The following ZNF475 variants were observed in gnomAD, a reference collection of about 807,000 sequenced individuals.
The protein encoded by ZNF475 is zinc finger protein 475.
At chr5:122,182,601 A>G in the ZNF475 span, 1 of 1,535,508 alleles carries the variant, frequency 6.5e-7, no homozygotes, top group Non-Finnish European at 8.7e-7. Context: ...AGACAGACTG[A>G]TTGTTCACCA....
At chr5:122,174,689 G>C in the ZNF475 span, among the ~76,000 whole-genome samples, 1 of 152,106 alleles carries the variant, frequency 6.6e-6, no homozygotes, top group East Asian at 1.9e-4. Context: ...CCTTCCAAAG[G>C]AAATCTGACG....
At chr5:122,164,942 A>T in the ZNF475 span, among the ~76,000 whole-genome samples, 2 of 152,192 alleles carry the variant, frequency 1.3e-5, no homozygotes, top group African/African-American at 2.4e-5. Flanking sequence ...AAAGCTAAAA[A>T]ATGTTTTCTA....
chr5:122,179,820 C>A, the ZNF475 span: 1 of 945,398 alleles, frequency 1.1e-6, no homozygotes, highest in South Asian at 2.4e-5. Context: ...TTCACTTGTT[C>A]AAACGACCAA....
the ZNF475 span, among the ~76,000 whole-genome samples, chr5:122,164,937 T>TA: frequency 6.6e-6 from 1 of 152,096 alleles, no homozygotes; most frequent in Admixed American, 6.5e-5. Flanking sequence ...TGGACAAAGC[T>TA]AAAAAATGTT....
At chr5:122,178,378 C>T in the ZNF475 span, among the ~76,000 whole-genome samples, 3 of 152,200 alleles carry the variant, frequency 2.0e-5, no homozygotes, top group African/African-American at 7.2e-5. Flanking sequence ...AAAAGCTTTC[C>T]TATTTCTCCA....
the ZNF475 span, among the ~76,000 whole-genome samples, chr5:122,174,141 A>C: frequency 2.0e-5 from 3 of 152,178 alleles, no homozygotes; most frequent in African/African-American, 7.2e-5. Flanking sequence ...ACATTTGCTA[A>C]GAGGGGGCCT....
At chr5:122,162,319 T>A in the ZNF475 span, 1 of 152,250 alleles carries the variant, frequency 6.6e-6, no homozygotes, top group African/African-American at 2.4e-5. Context: ...TTACACGGCA[T>A]CCAGTGATTT....
chr5:122,180,256 C>T, the ZNF475 span, among the ~76,000 whole-genome samples: 17 of 152,164 alleles, frequency 1.1e-4, no homozygotes, highest in African/African-American at 3.4e-4. Context: ...GACTATGATG[C>T]GCTGTGGAGC....
chr5:122,169,596 G>C, the ZNF475 span, among the ~76,000 whole-genome samples: 2 of 152,142 alleles, frequency 1.3e-5, no homozygotes, highest in Non-Finnish European at 2.9e-5. Flanking sequence ...TTGGACTTTA[G>C]TCTGTAGCCA....
the ZNF475 span, among the ~76,000 whole-genome samples, chr5:122,161,388 T>A: frequency 1.3e-5 from 2 of 152,226 alleles, no homozygotes; most frequent in African/African-American, 4.8e-5. Flanking sequence ...GGTCCCATGT[T>A]AAAGCTTCAA....
the ZNF475 span, among the ~76,000 whole-genome samples, chr5:122,164,522 C>G: frequency 6.6e-6 from 1 of 152,064 alleles, no homozygotes; most frequent in East Asian, 1.9e-4. Flanking sequence ...TAAGGAGCCA[C>G]ATGTTTGTGT....
the ZNF475 span, among the ~76,000 whole-genome samples, chr5:122,170,740 G>C: frequency 6.6e-6 from 1 of 152,178 alleles, no homozygotes; most frequent in African/African-American, 2.4e-5. Context: ...AGGTCAGCGA[G>C]TAGAGCTGAA....
the ZNF475 span, chr5:122,160,368 A>G: frequency 6.6e-6 from 6 of 908,940 alleles, no homozygotes; most frequent in Non-Finnish European, 7.8e-6. Flanking sequence ...GAAGGTGGGG[A>G]AAGTTACACA....
At chr5:122,165,763 A>C in the ZNF475 span, among the ~76,000 whole-genome samples, 2 of 82,264 alleles carry the variant, frequency 2.4e-5, no homozygotes, top group African/African-American at 2.2e-4. Context: ...GCAACCTACA[A>C]AAAAAAAAAA....
At chr5:122,170,340 C>T in the ZNF475 span, among the ~76,000 whole-genome samples, 12 of 152,242 alleles carry the variant, frequency 7.9e-5, no homozygotes, top group South Asian at 2.1e-4. Context: ...ACTACTGGGA[C>T]GCCAGGTTAC....
the ZNF475 span, among the ~76,000 whole-genome samples, chr5:122,177,899 C>T: frequency 6.6e-6 from 1 of 152,190 alleles, no homozygotes; most frequent in African/African-American, 2.4e-5. Flanking sequence ...TCCCCTAGCC[C>T]ACCGCCCCCA....
At chr5:122,165,457 C>T in the ZNF475 span, among the ~76,000 whole-genome samples, 117 of 152,240 alleles carry the variant, frequency 7.7e-4, no homozygotes, top group Middle Eastern at 0.01. Flanking sequence ...CTATCTCCCC[C>T]GTGGTCACCA....
the ZNF475 span, among the ~76,000 whole-genome samples, chr5:122,164,291 C>T: frequency 6.6e-6 from 1 of 152,164 alleles, no homozygotes; most frequent in African/African-American, 2.4e-5. Flanking sequence ...TTGTGGTATA[C>T]TAGAGAGTAA....
At chr5:122,180,582 A>T in the ZNF475 span, among the ~76,000 whole-genome samples, 5,443 of 152,236 alleles carry the variant, frequency 0.036, 320 homozygotes, top group African/African-American at 0.12. Context: ...TACCATTGTC[A>T]TTTTCTCAGT....
Sources: gnomAD v4.1 joint callset for allele counts (sites outside exome capture counted in the v4.1 genomes callset) on GRCh38, gnomAD v4.1.1 for gene constraint, MANE v1.5 for transcripts, NCBI Gene and HGNC (gene_info 2026-07-23, HGNC 2026-07-21) for gene names.